Variants in NR3C2 observed in about 807,000 individuals in gnomAD.
The protein encoded by NR3C2 is nuclear receptor subfamily 3 group C member 2.
Under a neutral mutation model 86.4 loss-of-function variants are expected in NR3C2, and 15 were observed. The ratio of observed to expected loss-of-function variants is 0.17; its 90% CI spans 0.12 to 0.27. The LOEUF (loss-of-function observed/expected upper bound fraction) is 0.27, where lower values mean the gene tolerates loss of function less well. Ranked by LOEUF, NR3C2 falls within the 10% of genes least tolerant of loss-of-function variation. The pLI is 1.00. For synonymous variants in NR3C2, 458 were observed against 450.5 expected, an observed-to-expected ratio of 1.02 and a Z score of -0.21; for missense variants, 960 against 1,195.6, an observed-to-expected ratio of 0.80 and a Z score of 2.91.
Position 148,120,184 on chromosome 4 carries a change from A to C in NR3C2, c.2615T>G (p.Met872Arg). The change falls in exon 7 of 9, where the codon ATG (methionine) becomes AGG (arginine). Residue 872 changes from methionine (M) to arginine (R), a missense_variant. This residue lies in a region of NR3C2 where 151 missense variants were observed against 296.3 expected (regional missense o/e 0.51). Transcript: ENST00000358102. ...TGTGCTTAGTAGCAGCAAAACTTTC[A>C]TGATGGTGTATTCTTCAAAGGTGAG... Reference protein sequence around the residue: ...LQLTFEEYTIMKVLLLLSTIP... With the variant: ...LQLTFEEYTIRKVLLLLSTIP... 6.2e-7 allele frequency: 1 copy of C among 1,614,184 alleles called. No individual in the cohort carries two copies.
intron 2 of NR3C2, among the ~76,000 whole-genome samples, chr4:148,416,877 G>A (rs1749029065): frequency 6.6e-6 from 1 of 152,112 alleles, no homozygotes; most frequent in Non-Finnish European, 1.5e-5. Flanking sequence ...CTGGGTTCAA[G>A]TGATTCTCCT....
chr4:148,198,847 G>A (rs939870271), intron 3 of NR3C2, among the ~76,000 whole-genome samples: 26 of 151,912 alleles, frequency 1.7e-4, no homozygotes, highest in Middle Eastern at 3.4e-3. Context: ...TTGGGAGGCC[G>A]AGGTGGGTGG....
intron 2 of NR3C2, among the ~76,000 whole-genome samples, chr4:148,332,125 A>G (rs1035434333): frequency 3.9e-5 from 6 of 152,222 alleles, no homozygotes; most frequent in Admixed American, 3.3e-4. Context: ...AAGTATTGTG[A>G]TAATCAACAC....
intron 2 of NR3C2, among the ~76,000 whole-genome samples, chr4:148,293,773 T>C (rs1741905583): frequency 6.6e-6 from 1 of 152,148 alleles, no homozygotes; most frequent in Non-Finnish European, 1.5e-5. Context: ...AGAGGTCAGT[T>C]TGGTAAGCAA....
intron 6 of NR3C2, among the ~76,000 whole-genome samples, chr4:148,133,941 A>T (rs1303312493): frequency 6.6e-6 from 1 of 152,212 alleles, no homozygotes; most frequent in Non-Finnish European, 1.5e-5. Flanking sequence ...CTATCTTCTT[A>T]CTTTGGAAGA....
chr4:148,137,980 AAT>A (rs1733425196), intron 6 of NR3C2, among the ~76,000 whole-genome samples: 1 of 152,218 alleles, frequency 6.6e-6, no homozygotes, highest in Non-Finnish European at 1.5e-5. Flanking sequence ...TTTTAAAATA[AAT>A]TGATAAATCA....
chr4:148,221,907 A>AG (rs1553998171), intron 3 of NR3C2, among the ~76,000 whole-genome samples: 2 of 151,378 alleles, frequency 1.3e-5, no homozygotes, highest in African/African-American at 2.4e-5. Context: ...AAAAAAAAAA[A>AG]AAAAAGAAAA....
At chr4:148,382,803 T>A (rs1332545694) in intron 2 of NR3C2, among the ~76,000 whole-genome samples, 2 of 152,092 alleles carry the variant, frequency 1.3e-5, no homozygotes, top group Non-Finnish European at 2.9e-5. Flanking sequence ...GAGAAAAGAG[T>A]AAAGTAAAAG....
At chr4:148,356,998 C>T (rs773643874) in intron 2 of NR3C2, among the ~76,000 whole-genome samples, 7 of 151,500 alleles carry the variant, frequency 4.6e-5, no homozygotes, top group Admixed American at 6.6e-5. Context: ...CATAGGAACA[C>T]CTGCTATTAT....
At chr4:148,444,882 C>G, upstream of NR3C2, 1 of 984,940 alleles carries the variant, frequency 1.0e-6, no homozygotes, top group Non-Finnish European at 1.2e-6. Context: ...CAGGAGGATC[C>G]CGCGCCCGCC....
At chr4:148,214,871 A>T (rs1737450421) in intron 3 of NR3C2, among the ~76,000 whole-genome samples, 1 of 152,222 alleles carries the variant, frequency 6.6e-6, no homozygotes. Flanking sequence ...CGTTAAAAAA[A>T]TTATGCAGGC....
At chr4:148,224,050 T>G (rs554877349) in intron 3 of NR3C2, among the ~76,000 whole-genome samples, 1 of 151,006 alleles carries the variant, frequency 6.6e-6, no homozygotes, top group African/African-American at 2.4e-5. Flanking sequence ...CTAAAGGGAT[T>G]AAGTGAAAAA....
At chr4:148,407,688 C>A (rs1748490298) in intron 2 of NR3C2, among the ~76,000 whole-genome samples, 1 of 122 alleles carries the variant, frequency 8.2e-3, no homozygotes, top group Admixed American at 0.083. Flanking sequence ...TATCAGAGGC[C>A]CCCCCTTCAT....
At chr4:148,432,395 T>A (rs1749836522) in intron 2 of NR3C2, among the ~76,000 whole-genome samples, 1 of 152,156 alleles carries the variant, frequency 6.6e-6, no homozygotes, top group African/African-American at 2.4e-5. Context: ...AGTTTCAATG[T>A]GGAATCTGAA....
At chr4:148,157,313 A>C (rs914727400) in intron 4 of NR3C2, among the ~76,000 whole-genome samples, 1 of 152,106 alleles carries the variant, frequency 6.6e-6, no homozygotes, top group South Asian at 2.1e-4. Context: ...AATTAAAAAA[A>C]CCCCAAAAAT....
At chr4:148,367,888 G>C (rs1264697644) in intron 2 of NR3C2, among the ~76,000 whole-genome samples, 3 of 142,064 alleles carry the variant, frequency 2.1e-5, no homozygotes, top group Admixed American at 2.1e-4. Flanking sequence ...AAAAAAAAAA[G>C]TCAAGGGGGA....
chr4:148,321,396 G>A (rs1044321012), intron 2 of NR3C2, among the ~76,000 whole-genome samples: 30 of 151,490 alleles, frequency 2.0e-4, no homozygotes, highest in African/African-American at 4.1e-4. Flanking sequence ...TATTAGGTCC[G>A]CTTGGTGCAG....
chr4:148,444,573 C>G, upstream of NR3C2: 11 of 988,398 alleles, frequency 1.1e-5, no homozygotes, highest in Non-Finnish European at 1.3e-5. Context: ...AGGGGAACGG[C>G]TAGACTCCCG....
At chr4:148,404,734 G>T (rs973255190) in intron 2 of NR3C2, among the ~76,000 whole-genome samples, 1 of 152,108 alleles carries the variant, frequency 6.6e-6, no homozygotes, top group Admixed American at 6.5e-5. Flanking sequence ...AATAAAAAAG[G>T]AGGAAATGTA....
Sources: gnomAD v4.1 joint callset for allele counts (sites outside exome capture counted in the v4.1 genomes callset) on GRCh38, gnomAD v4.1.1 for gene constraint, gnomAD v4.1.1 regional missense constraint, MANE v1.5 for transcripts, NCBI Gene and HGNC (gene_info 2026-07-23, HGNC 2026-07-21) for gene names.